The following RBPMS variants were observed in gnomAD, a reference collection of about 807,000 sequenced individuals.
RBPMS encodes RNA binding protein, mRNA processing factor.
A neutral mutation model predicts 26.8 loss-of-function variants in RBPMS; 7 were observed. The observed-to-expected ratio is 0.26, with a 90% CI of 0.15 to 0.49. The LOEUF is 0.49. Among genes scored for constraint, RBPMS ranks in the 20% least tolerant of loss-of-function variants. The probability of loss-of-function intolerance (pLI) is 0.98; values close to 1 mark genes in which losing one functional copy is unlikely to be tolerated. For synonymous variants in RBPMS, 96 were observed against 93.3 expected (o/e 1.03, Z -0.17); for missense variants, 186 against 250.0 (o/e 0.74, Z 1.73).
At chr8:30,535,682 C>G (rs1329146876) in intron 5 of RBPMS, among the ~76,000 whole-genome samples, 1 of 152,188 alleles carries the variant, frequency 6.6e-6, no homozygotes, top group Non-Finnish European at 1.5e-5. Flanking sequence ...CCCACCTCAG[C>G]CTCTGTAGTA....
At chr8:30,390,795 A>G (rs1449416544) in intron 1 of RBPMS, among the ~76,000 whole-genome samples, 4 of 152,122 alleles carry the variant, frequency 2.6e-5, no homozygotes, top group African/African-American at 7.2e-5. Context: ...AGTATTCCCA[A>G]TGTTCAACAC....
At chr8:30,499,311 T>G (rs1820312596) in intron 4 of RBPMS, among the ~76,000 whole-genome samples, 1 of 152,202 alleles carries the variant, frequency 6.6e-6, no homozygotes, top group African/African-American at 2.4e-5. Flanking sequence ...AAGCACCATT[T>G]GGCAACTACA....
chr8:30,422,938 CAG>C (rs1370647404), intron 1 of RBPMS, among the ~76,000 whole-genome samples: 3 of 152,146 alleles, frequency 2.0e-5, no homozygotes, highest in African/African-American at 4.8e-5. Context: ...ATGGGTGAAA[CAG>C]GGAATTCTAT....
In RBPMS at chr8:30,512,458, T is replaced by G. The variant is rs146799429; in HGVS notation, c.397+8022T>G. On this transcript the variant is annotated intron_variant, in intron 5 of 8. Transcript: ENST00000397323. ...ACTATATATCCAAAGCATTGTTTTT[T>G]TTGTTGTTGTTTGGGTTTTTGTTAC... Among the ~76,000 whole-genome samples the G allele has an allele frequency of 2.9e-3, 435 of 152,180 alleles. 3 individuals carry two copies. Among genetic ancestry groups the G allele is most frequent in the African/African-American group, 9.8e-3 (406 of 41,516 alleles).
intron 5 of RBPMS, among the ~76,000 whole-genome samples, chr8:30,540,595 T>C (rs879071853): frequency 2.4e-4 from 37 of 152,258 alleles, no homozygotes; most frequent in African/African-American, 7.9e-4. Flanking sequence ...CTGGCTAATA[T>C]ATATTTTTTT....
intron 4 of RBPMS, among the ~76,000 whole-genome samples, chr8:30,497,844 G>C (rs986528518): frequency 6.6e-6 from 1 of 151,640 alleles, no homozygotes; most frequent in East Asian, 1.9e-4. Flanking sequence ...GGTTGGTCTC[G>C]ATCTCCTGAC....
chr8:30,476,176 G>A (rs115114807), intron 2 of RBPMS, among the ~76,000 whole-genome samples: 276 of 145,022 alleles, frequency 1.9e-3, no homozygotes, highest in African/African-American at 6.9e-3. Context: ...AAGTGGGTGA[G>A]TCTCATTTTT....
chr8:30,453,728 C>G (rs1248257671), intron 1 of RBPMS: 1 of 152,154 alleles, frequency 6.6e-6, no homozygotes, highest in African/African-American at 2.4e-5. Flanking sequence ...GCTCCAAGAT[C>G]AAGAAAATCT....
chr8:30,560,491 G>A (rs2151086649), intron 7 of RBPMS, among the ~76,000 whole-genome samples: 1 of 152,336 alleles, frequency 6.6e-6, no homozygotes, highest in African/African-American at 2.4e-5. Flanking sequence ...AAAGTTGAGA[G>A]AGAGCGCTCT....
chr8:30,548,211 A>G (rs894102716), intron 6 of RBPMS, among the ~76,000 whole-genome samples: 1 of 152,198 alleles, frequency 6.6e-6, no homozygotes, highest in African/African-American at 2.4e-5. Context: ...TGCTTTCAAA[A>G]AGCTTATACA....
At chr8:30,474,439 A>G (rs886079283) in intron 1 of RBPMS, among the ~76,000 whole-genome samples, 2 of 152,124 alleles carry the variant, frequency 1.3e-5, no homozygotes, top group Non-Finnish European at 2.9e-5. Context: ...TCACATTTTT[A>G]GAAGTGTGCA....
chr8:30,504,377 C>G lies in RBPMS; in HGVS notation c.338C>G (p.Thr113Ser). The G allele has an allele frequency of 6.2e-7, 1 of 1,614,194 alleles. No homozygotes were observed. Among genetic ancestry groups the G allele is most frequent in the Non-Finnish European group, 8.5e-7 (1 of 1,179,980 alleles). The change falls in exon 5 of 9, where the codon ACT (threonine) becomes AGT (serine). Residue 113 changes from threonine to serine, a missense_variant. Coordinates refer to ENST00000397323, the MANE Select transcript of RBPMS (RefSeq NM_001008710.3). ...ATGGCCAAGAACAAACTCGTAGGGACTCCAAACCCCAGTACTCCTCTGCCC... is the reference window on the plus strand; with the variant it reads ...ATGGCCAAGAACAAACTCGTAGGGAGTCCAAACCCCAGTACTCCTCTGCCC... ...TKMAKNKLVG[T>S]PNPSTPLPNT...
intron 5 of RBPMS, among the ~76,000 whole-genome samples, chr8:30,504,917 C>A (rs1462356031): frequency 1.3e-5 from 2 of 152,162 alleles, no homozygotes; most frequent in African/African-American, 4.8e-5. Flanking sequence ...AAAGTAAACA[C>A]ATACAAAGAA....
chr8:30,478,628 T>C (rs1817955730), intron 3 of RBPMS, among the ~76,000 whole-genome samples: 1 of 151,788 alleles, frequency 6.6e-6, no homozygotes, highest in African/African-American at 2.4e-5. Context: ...GCCTCCCAAA[T>C]AGCTGGGACT....
At chr8:30,553,654 A>G (rs1395566605) in intron 6 of RBPMS, 1 of 152,258 alleles carries the variant, frequency 6.6e-6, no homozygotes, top group Non-Finnish European at 1.5e-5. Flanking sequence ...TCAGCGCTCC[A>G]TTCTAGGGAG....
At chr8:30,549,804 T>TCTCTCC (rs1383466717) in intron 6 of RBPMS, among the ~76,000 whole-genome samples, 4,379 of 102,034 alleles carry the variant, frequency 0.043, 186 homozygotes, top group African/African-American at 0.085. Context: ...CTCCCCTCTC[T>TCTCTCC]CCTCTCTCTC....
chr8:30,519,163 T>G (rs935350550), intron 5 of RBPMS, among the ~76,000 whole-genome samples: 5 of 152,154 alleles, frequency 3.3e-5, no homozygotes, highest in Non-Finnish European at 5.9e-5. Flanking sequence ...GATTGGTGTT[T>G]TCCATGGCTT....
intron 5 of RBPMS, among the ~76,000 whole-genome samples, chr8:30,535,384 T>G (rs1329598170): frequency 2.0e-5 from 3 of 152,214 alleles, no homozygotes; most frequent in Non-Finnish European, 4.4e-5. Flanking sequence ...GTATAAGCAG[T>G]AGGTGCAGTG....
At chr8:30,566,769 T>TC (rs1414437092) in intron 8 of RBPMS, among the ~76,000 whole-genome samples, 1 of 152,108 alleles carries the variant, frequency 6.6e-6, no homozygotes, top group Non-Finnish European at 1.5e-5. Flanking sequence ...AATGTGTATA[T>TC]CCCCCCATCT....
Sources: allele counts gnomAD v4.1 joint callset (sites outside exome capture counted in the v4.1 genomes callset), GRCh38; gene constraint gnomAD v4.1.1; transcripts MANE v1.5; gene names NCBI Gene and HGNC (gene_info 2026-07-23, HGNC 2026-07-21).